The following RBM33 variants were observed in gnomAD, a reference collection of about 807,000 sequenced individuals.
The protein encoded by RBM33 is RNA binding motif protein 33, also known as RNA-binding protein 33.
Under a neutral mutation model 132.6 loss-of-function variants are expected in RBM33, and 28 were observed. The observed-to-expected ratio is 0.21, with a 90% CI of 0.16 to 0.29. RBM33 has a LOEUF of 0.29. Ranked by LOEUF, RBM33 falls within the 10% of genes least tolerant of loss-of-function variation. RBM33 has a pLI of 1.00. For missense variants in RBM33, 1,291 were observed against 1,518.5 expected, an observed-to-expected ratio of 0.85 and a Z score of 2.49; for synonymous variants, 634 against 593.0, an observed-to-expected ratio of 1.07 and a Z score of -1.01.
chr7:155,763,669 GAAATGAC>G lies in RBM33; in HGVS notation c.2980-140_2980-134del, dbSNP rs1009771915. Reference sequence around the variant, plus strand: ...GAGAAATGTCCTTACTGGCTCTAGTGAAATGACAAGTTTCGAGTCACACTTGTTTGAA... The same window carrying G: ...GAGAAATGTCCTTACTGGCTCTAGTGAAGTTTCGAGTCACACTTGTTTGAA... On this transcript the variant is annotated intron_variant, in intron 14 of 17. Coordinates refer to ENST00000401878, the MANE Select transcript of RBM33 (RefSeq NM_053043.3). 53 of 748,698 alleles carry G rather than the reference GAAATGAC, an allele frequency of 7.1e-5. No homozygotes were observed. The African/African-American group carries it at 7.5e-4, about 11-fold the overall frequency. 46.4% of individuals were successfully genotyped at this position (748,698 alleles called of 1,614,324 possible).
chr7:155,749,356 C>T (rs1298460266), intron 14 of RBM33, among the ~76,000 whole-genome samples: 2 of 152,104 alleles, frequency 1.3e-5, no homozygotes, highest in Admixed American at 6.5e-5. Context: ...GAGGCGAGTG[C>T]GTTGAATCTC....
intron 15 of RBM33, among the ~76,000 whole-genome samples, chr7:155,765,984 G>A (rs1252316720): frequency 3.3e-5 from 5 of 152,162 alleles, no homozygotes; most frequent in Non-Finnish European, 5.9e-5. Context: ...CTCTGCCAGC[G>A]GAGTCAGGTA....
At chr7:155,771,874 GGACTA>G (rs1028179553) in intron 16 of RBM33, among the ~76,000 whole-genome samples, 17 of 152,088 alleles carry the variant, frequency 1.1e-4, no homozygotes, top group African/African-American at 3.9e-4. Flanking sequence ...TGAGTACCTA[GGACTA>G]GAGGTGTACA....
intron 3 of RBM33, among the ~76,000 whole-genome samples, chr7:155,674,771 C>T (rs181511987): frequency 3.3e-5 from 5 of 152,244 alleles, no homozygotes; most frequent in South Asian, 2.1e-4. Flanking sequence ...TGCATTCCGA[C>T]GCCTCAGTGG....
chr7:155,651,713 A>G (rs1798361354), intron 1 of RBM33, among the ~76,000 whole-genome samples: 1 of 152,044 alleles, frequency 6.6e-6, no homozygotes, highest in Non-Finnish European at 1.5e-5. Context: ...TCGGCTACCC[A>G]AGTTTATAGA....
At chr7:155,674,461 G>A (rs1421819547) in intron 3 of RBM33, among the ~76,000 whole-genome samples, 1 of 152,128 alleles carries the variant, frequency 6.6e-6, no homozygotes, top group Non-Finnish European at 1.5e-5. Context: ...GATATTAAAA[G>A]GTTTAAATGT....
intron 6 of RBM33, among the ~76,000 whole-genome samples, chr7:155,703,866 T>C (rs996047941): frequency 1.3e-5 from 2 of 152,206 alleles, no homozygotes; most frequent in African/African-American, 4.8e-5. Context: ...AATTATTTGA[T>C]TGTGTAAAGC....
In RBM33 at chr7:155,673,425, T is replaced by G. The variant is rs935949850; in HGVS notation, c.171+510T>G. Among the ~76,000 whole-genome samples the G allele has an allele frequency of 1.1e-3, 170 of 151,156 alleles. 2 individuals are homozygous for G. The highest frequency in any genetic ancestry group is 3.3e-3 in the African/African-American group (137 of 41,240). On this transcript the variant is annotated intron_variant, in intron 3 of 17. Transcript: ENST00000401878. Reference sequence around the variant, plus strand: ...TATTGTGTGTGTGTGTGTGTGTGTGTGTGTGTGTGTGTGTGTATGTGTATA... The same window carrying G: ...TATTGTGTGTGTGTGTGTGTGTGTGGGTGTGTGTGTGTGTGTATGTGTATA...
At chr7:155,662,525 C>A (rs866383914) in intron 1 of RBM33, among the ~76,000 whole-genome samples, 2 of 152,102 alleles carry the variant, frequency 1.3e-5, no homozygotes, top group Non-Finnish European at 2.9e-5. Context: ...CCCCGCCCCC[C>A]CCGCTCTGAG....
In RBM33 at chr7:155,745,674, T is replaced by A; in HGVS notation, c.2979+72T>A. On this transcript the variant is annotated intron_variant, in intron 14 of 17. Coordinates refer to ENST00000401878, the MANE Select transcript of RBM33 (RefSeq NM_053043.3). The surrounding 1 kb of genome is among the most constrained non-coding windows in gnomAD (Gnocchi z 4.1). The stretch of plus-strand genomic sequence containing the variant: ...ATAGAATGTCCTCATTTGCAGAGAA[T>A]GTTTTTGAAGAAAGAATTAAAAGTT... 1 of 1,366,036 alleles carries A rather than the reference T, an allele frequency of 7.3e-7. No individual in the cohort carries two copies. The highest frequency in any genetic ancestry group is 1.5e-5 in the South Asian group (1 of 65,938). 84.6% of individuals were successfully genotyped at this position (1,366,036 alleles called of 1,614,324 possible).
chr7:155,730,120 G>A (rs1485435986), intron 9 of RBM33, among the ~76,000 whole-genome samples: 1 of 152,190 alleles, frequency 6.6e-6, no homozygotes, highest in African/African-American at 2.4e-5. Context: ...CCAGGCACTG[G>A]GCCAAGTATG....
At chr7:155,681,399 A>G (rs937479620) in intron 5 of RBM33, among the ~76,000 whole-genome samples, 1 of 152,202 alleles carries the variant, frequency 6.6e-6, no homozygotes, top group Non-Finnish European at 1.5e-5. Flanking sequence ...TAGTTTAGGA[A>G]ATGTCACATA....
chr7:155,676,996 A>G (rs1434149803), intron 3 of RBM33, among the ~76,000 whole-genome samples: 1 of 152,200 alleles, frequency 6.6e-6, no homozygotes, highest in African/African-American at 2.4e-5. Context: ...AAAAGCTCAG[A>G]GAAACAGCCT....
At position 155,678,804 on chromosome 7, in the gene RBM33, A is replaced by G. The variant is rs925507297; in HGVS notation, c.248+120A>G. On this transcript the variant is annotated intron_variant, in intron 4 of 17. Transcript: ENST00000401878. ...AGCCTTATATCTTTAACACATGATT[A>G]CATTCTAAATGGAATACTAGTAATA... 3 of 597,216 alleles carry G rather than the reference A, an allele frequency of 5.0e-6. No individual in the cohort carries two copies. The African/African-American group carries it at 5.7e-5, about 11-fold the overall frequency. The allele number at this position is 597,216 out of a possible 1,614,324, so 37.0% of individuals were successfully genotyped here.
At chr7:155,704,722 T>C (rs563408322) in intron 6 of RBM33, among the ~76,000 whole-genome samples, 14 of 152,376 alleles carry the variant, frequency 9.2e-5, no homozygotes, top group African/African-American at 2.9e-4. Context: ...CCGAGTTTCA[T>C]TGGCACGTGT....
intron 9 of RBM33, among the ~76,000 whole-genome samples, chr7:155,733,695 A>G (rs1337010919): frequency 1.3e-5 from 2 of 152,176 alleles, no homozygotes; most frequent in African/African-American, 2.4e-5. Context: ...GTTGTCAGTC[A>G]CTGTACGGTA....
intron 11 of RBM33, 60 bp from the exon 12 acceptor site, chr7:155,739,655 G>A: frequency 6.9e-7 from 1 of 1,455,142 alleles, no homozygotes; most frequent in Non-Finnish European, 9.1e-7. Flanking sequence ...AATGATTGAA[G>A]TGATTATGCC....
intron 9 of RBM33, among the ~76,000 whole-genome samples, chr7:155,727,839 C>T (rs969935490): frequency 2.6e-5 from 4 of 152,224 alleles, no homozygotes; most frequent in African/African-American, 9.6e-5. Context: ...GATCGCAGCT[C>T]GCTGCAGGCC....
chr7:155,726,961 G>A (rs1301488554), intron 9 of RBM33, among the ~76,000 whole-genome samples: 3 of 152,200 alleles, frequency 2.0e-5, no homozygotes, highest in East Asian at 1.9e-4. Context: ...TAGAGGAAAA[G>A]TGACTTGTGT....
Sources: gnomAD v4.1 joint callset for allele counts (sites outside exome capture counted in the v4.1 genomes callset) on GRCh38, gnomAD v4.1.1 for gene constraint, Gnocchi (gnomAD v3.1) non-coding constraint, MANE v1.5 for transcripts, NCBI Gene and HGNC (gene_info 2026-07-23, HGNC 2026-07-21) for gene names.